CCDC141: variants seen among roughly 807,000 people sequenced by gnomAD.
CCDC141 encodes coiled-coil domain-containing protein 141.
In CCDC141, 168 loss-of-function variants were observed where a neutral mutation model predicts 181.0. That is an observed-to-expected ratio of 0.93 (90% CI 0.82 to 1.05). CCDC141 has a LOEUF of 1.05. Among genes scored for constraint, CCDC141 ranks in the 50% least tolerant of loss-of-function variants. The pLI is 0.00. For missense variants in CCDC141, 1,902 were observed against 1,788.5 expected (o/e 1.06, Z -1.14); for synonymous variants, 666 against 642.3 (o/e 1.04, Z -0.56).
Position 178,855,153 on chromosome 2 carries a change from A to C in CCDC141, c.3060+194T>G, listed in dbSNP as rs549918173. On this transcript the variant is annotated intron_variant, in intron 19 of 23. Transcript: ENST00000443758. ...AAGAGAAATTGACCAATAAAATCAA[A>C]GACCTTATAATATTCATCCCCTTAG... 1.2e-4 allele frequency among the ~76,000 whole-genome samples: 19 copies of C among 152,336 alleles called. No homozygotes were observed. The South Asian group carries it at 2.3e-3, about 18-fold the overall frequency.
intron 2 of CCDC141, among the ~76,000 whole-genome samples, chr2:179,015,379 A>ATGTATCATATATC (rs1553502968): frequency 0.066 from 8,413 of 127,278 alleles, 638 homozygotes; most frequent in Admixed American, 0.13. Flanking sequence ...TATCATATAT[A>ATGTATCATATATC]TCTCATATAT....
In CCDC141 at chr2:179,044,549, G is replaced by A. The variant is rs374996772; in HGVS notation, c.225+2735C>T. Among the ~76,000 whole-genome samples, 10 of 152,174 alleles carry A rather than the reference G, an allele frequency of 6.6e-5. No individual in the cohort carries two copies. The East Asian group carries it at 1.9e-3, about 29-fold the overall frequency. ...AGTCCTGGATGGAGTAGGGATGAAG[G>A]GAGAAGTGAGGTAGCACAAGAGTTC... is the stretch of plus-strand genomic sequence containing the variant. On this transcript the variant is annotated intron_variant, in intron 2 of 23. Transcript: ENST00000443758.
chr2:179,013,142 AG>A (rs1393334657), intron 2 of CCDC141, among the ~76,000 whole-genome samples: 3 of 152,116 alleles, frequency 2.0e-5, no homozygotes, highest in African/African-American at 7.2e-5. Flanking sequence ...AAAGAAATAA[AG>A]GGCATCCAAA....
At chr2:179,015,941 A>C (rs1202135742) in intron 2 of CCDC141, among the ~76,000 whole-genome samples, 2 of 145,070 alleles carry the variant, frequency 1.4e-5, no homozygotes, top group Non-Finnish European at 3.0e-5. Context: ...TTTCATATAT[A>C]TCATATATAT....
In CCDC141 at chr2:178,951,910, C is replaced by T. The variant is rs1047748493; in HGVS notation, c.781-7259G>A. Among the ~76,000 whole-genome samples the T allele has an allele frequency of 2.0e-5, 3 of 152,328 alleles. No homozygotes were observed. In the East Asian group the frequency reaches 5.8e-4, roughly 29 times the overall value. On this transcript the variant is annotated intron_variant, in intron 5 of 23. Coordinates refer to ENST00000443758, the MANE Select transcript of CCDC141 (RefSeq NM_173648.4). ...ACAGTGTGTGTCCCCATCCCCCTTA[C>T]CAACCGACTTGGGGGCTTAATTAAT... is the stretch of plus-strand genomic sequence containing the variant.
At chr2:178,864,985 C>A (rs2154368481) in intron 17 of CCDC141, among the ~76,000 whole-genome samples, 1 of 152,278 alleles carries the variant, frequency 6.6e-6, no homozygotes, top group Middle Eastern at 3.4e-3. Context: ...AGAATGAGAA[C>A]CATTGCTATC....
chr2:178,860,943 G>A (rs1258468697), intron 17 of CCDC141, among the ~76,000 whole-genome samples: 1 of 152,072 alleles, frequency 6.6e-6, no homozygotes, highest in East Asian at 1.9e-4. Flanking sequence ...TCTGTTTATT[G>A]TTCAGGAAGT....
intron 2 of CCDC141, among the ~76,000 whole-genome samples, chr2:178,993,987 C>A (rs949818321): frequency 6.6e-6 from 1 of 152,160 alleles, no homozygotes; most frequent in Admixed American, 6.5e-5. Context: ...GGCAGATCTG[C>A]CCCTGTGGCT....
chr2:178,860,178 T>A (rs1320123354), intron 17 of CCDC141, among the ~76,000 whole-genome samples: 1 of 152,168 alleles, frequency 6.6e-6, no homozygotes, highest in Non-Finnish European at 1.5e-5. Flanking sequence ...TCATATTCAG[T>A]AACAGAAAGC....
At chr2:178,965,289 G>T (rs1319112736) in intron 4 of CCDC141, among the ~76,000 whole-genome samples, 1 of 152,206 alleles carries the variant, frequency 6.6e-6, no homozygotes, top group Non-Finnish European at 1.5e-5. Context: ...AGGAATGTAT[G>T]CCCTAGCTAG....
intron 2 of CCDC141, among the ~76,000 whole-genome samples, chr2:179,041,540 G>T (rs2043307807): frequency 9.1e-6 from 1 of 109,820 alleles, no homozygotes; most frequent in African/African-American, 3.5e-5. Flanking sequence ...CTAGCATCAT[G>T]ATGACAAGAT....
At chr2:178,834,860 T>C (rs970333741) in intron 23 of CCDC141, among the ~76,000 whole-genome samples, 1 of 151,416 alleles carries the variant, frequency 6.6e-6, no homozygotes, top group African/African-American at 2.4e-5. Flanking sequence ...TATTATGCGC[T>C]GTTTATCTTT....
At chr2:178,966,423 C>G (rs565491062) in intron 4 of CCDC141, among the ~76,000 whole-genome samples, 1 of 152,280 alleles carries the variant, frequency 6.6e-6, no homozygotes, top group African/African-American at 2.4e-5. Context: ...GAGGAAAGAT[C>G]AGGTGGCAGT....
rs369646310 is a variant in CCDC141 at position 178,865,781 on chromosome 2, C to T, written c.2710G>A (p.Asp904Asn). Residue 904 changes from aspartate to asparagine, a missense_variant, in exon 17 of 24, where the codon GAC (aspartate) becomes AAC (asparagine). Asp to Asn is a conservative substitution (Grantham distance 23, BLOSUM62 1). Transcript: ENST00000443758. ...CCCACACCCACCTCATTTATCTCGT[C>T]TCTCATGGCGCAGTACTCCACACTA... ...SRSVEYCAMRDEINELKDSFK... is the reference protein window; with the variant it reads ...SRSVEYCAMRNEINELKDSFK... 9 of 1,545,702 alleles carry T rather than the reference C, an allele frequency of 5.8e-6. No individual in the cohort carries two copies. Among genetic ancestry groups the T allele is most frequent in the East Asian group, 4.7e-5 (2 of 42,640 alleles).
chr2:178,870,765 C>T (rs1340712695), intron 14 of CCDC141, among the ~76,000 whole-genome samples: 5 of 152,146 alleles, frequency 3.3e-5, no homozygotes. Context: ...ACACAGGTAT[C>T]TAAATTTTGC....
intron 14 of CCDC141, among the ~76,000 whole-genome samples, chr2:178,870,248 A>AG (rs1401188647): frequency 6.6e-6 from 1 of 151,424 alleles, no homozygotes; most frequent in Admixed American, 6.6e-5. Context: ...AAAAAAAAAA[A>AG]AAAAAAGACA....
chr2:178,946,062 C>G (rs1353834229), intron 5 of CCDC141, among the ~76,000 whole-genome samples: 1 of 152,200 alleles, frequency 6.6e-6, no homozygotes, highest in Non-Finnish European at 1.5e-5. Flanking sequence ...TGTTAACCAG[C>G]ATTTTAGCCC....
rs77424589 is a variant in CCDC141 at position 178,868,840 on chromosome 2, T to C, written c.2394+277A>G. Among the ~76,000 whole-genome samples the C allele has an allele frequency of 0.073, 11,035 of 152,016 alleles. 585 individuals carry two copies. Among genetic ancestry groups the C allele is most frequent in the Admixed American group, 0.16 (2,479 of 15,258 alleles). The stretch of plus-strand genomic sequence containing the variant: ...GTTGGAAGGAGGTATAGGATTTAGA[T>C]AAGAGGGAGGAGAAAGACAGACTTG... On this transcript the variant is annotated intron_variant, in intron 15 of 23. Coordinates refer to ENST00000443758, the MANE Select transcript of CCDC141 (RefSeq NM_173648.4).
At chr2:179,026,564 G>A (rs1224312521) in intron 2 of CCDC141, among the ~76,000 whole-genome samples, 1 of 152,224 alleles carries the variant, frequency 6.6e-6, no homozygotes. Flanking sequence ...TGCTAGGGCA[G>A]TGCAGAAGGG....
Sources: allele counts gnomAD v4.1 joint callset (sites outside exome capture counted in the v4.1 genomes callset), GRCh38; gene constraint gnomAD v4.1.1; transcripts MANE v1.5; gene names NCBI Gene and HGNC (gene_info 2026-07-23, HGNC 2026-07-21).